The following RBMS3 variants were observed in gnomAD, a reference collection of about 807,000 sequenced individuals.
RBMS3 encodes the protein RNA binding motif single stranded interacting protein 3.
RBMS3 carries 27 observed loss-of-function variants against 66.8 expected under a neutral mutation model. The ratio of observed to expected loss-of-function variants is 0.40; its 90% CI spans 0.30 to 0.56. The LOEUF is 0.56. RBMS3 is among the 20% of genes least tolerant of loss of function. RBMS3 has a pLI of 0.40. For missense variants in RBMS3, 513 were observed against 549.5 expected (o/e 0.93, Z 0.66); for synonymous variants, 188 against 183.0 (o/e 1.03, Z -0.22).
chr3:29,787,030 G>C (rs756144388), intron 6 of RBMS3, among the ~76,000 whole-genome samples: 9 of 152,002 alleles, frequency 5.9e-5, no homozygotes, highest in Non-Finnish European at 1.2e-4. Context: ...GACATGAATA[G>C]ACAATTCTCA....
chr3:30,002,949 A>G (rs1699676392), intron 14 of RBMS3, among the ~76,000 whole-genome samples: 1 of 152,012 alleles, frequency 6.6e-6, no homozygotes, highest in South Asian at 2.1e-4. Flanking sequence ...CTGTAAAACT[A>G]TACATAGTAA....
chr3:29,908,859 C>T (rs2060448835), intron 10 of RBMS3, among the ~76,000 whole-genome samples: 2 of 151,882 alleles, frequency 1.3e-5, no homozygotes, highest in South Asian at 4.1e-4. Context: ...ACATTATATG[C>T]TCAGGATAAT....
intron 2 of RBMS3, among the ~76,000 whole-genome samples, chr3:29,466,517 A>G (rs773860174): frequency 1.3e-5 from 2 of 152,174 alleles, no homozygotes; most frequent in Non-Finnish European, 2.9e-5. Context: ...TTGAAATAAA[A>G]TTGCTCTTAA....
chr3:29,442,704 T>G (rs2041673077), intron 2 of RBMS3, among the ~76,000 whole-genome samples: 1 of 152,066 alleles, frequency 6.6e-6, no homozygotes, highest in African/African-American at 2.4e-5. Context: ...GCATCCTGGT[T>G]TTCTATTTGT....
chr3:29,635,350 G>A lies in RBMS3; in HGVS notation c.399+48145G>A, dbSNP rs2049437286. On this transcript the variant is annotated intron_variant, in intron 4 of 14. Transcript: ENST00000383767. ...GCAGCCTTCCCCATCTCAGTTGATG[G>A]CAGTACCATCCTTCTAGTGGCTTTG... 2.0e-5 allele frequency among the ~76,000 whole-genome samples: 3 copies of A among 151,918 alleles called. No individual in the cohort carries two copies. The South Asian group carries it at 6.2e-4, about 32-fold the overall frequency.
chr3:29,512,789 C>T (rs1576069841), intron 3 of RBMS3, among the ~76,000 whole-genome samples: 1 of 152,230 alleles, frequency 6.6e-6, no homozygotes, highest in East Asian at 1.9e-4. Context: ...ACTGTGTGCA[C>T]TGGGCTTCCA....
At chr3:29,928,953 A>T (rs552778537) in intron 10 of RBMS3, among the ~76,000 whole-genome samples, 2 of 152,220 alleles carry the variant, frequency 1.3e-5, no homozygotes, top group Non-Finnish European at 2.9e-5. Context: ...ACCCTTTGTC[A>T]TTGAAGCTCT....
At chr3:29,439,933 A>G (rs2041552875) in intron 2 of RBMS3, among the ~76,000 whole-genome samples, 1 of 152,214 alleles carries the variant, frequency 6.6e-6, no homozygotes, top group Admixed American at 6.5e-5. Context: ...TGGATCATAT[A>G]TATCCTTTAT....
chr3:29,846,608 T>C (rs2058783674), intron 6 of RBMS3, among the ~76,000 whole-genome samples: 1 of 152,188 alleles, frequency 6.6e-6, no homozygotes, highest in Non-Finnish European at 1.5e-5. Flanking sequence ...TATTCAGCGA[T>C]GTGATGACTC....
intron 6 of RBMS3, among the ~76,000 whole-genome samples, chr3:29,769,820 G>A (rs1030849993): frequency 4.0e-5 from 6 of 151,786 alleles, no homozygotes; most frequent in Non-Finnish European, 8.8e-5. Flanking sequence ...ACAGCTCTGG[G>A]TAAACAAGCA....
intron 1 of RBMS3, among the ~76,000 whole-genome samples, chr3:29,338,356 C>T (rs1362017924): frequency 2.6e-5 from 4 of 151,914 alleles, no homozygotes; most frequent in Non-Finnish European, 5.9e-5. Context: ...AACTGAAGCA[C>T]AAAAAAAGAG....
intron 6 of RBMS3, among the ~76,000 whole-genome samples, chr3:29,788,109 C>T (rs1169676796): frequency 2.0e-5 from 3 of 151,750 alleles, no homozygotes; most frequent in African/African-American, 4.8e-5. Context: ...GAATCCCAAA[C>T]GTATGTTTAT....
At chr3:29,433,093 A>G (rs2041269114) in intron 1 of RBMS3, among the ~76,000 whole-genome samples, 1 of 148,658 alleles carries the variant, frequency 6.7e-6, no homozygotes, top group Non-Finnish European at 1.5e-5. Context: ...TACTATTTTC[A>G]TGTTGAATAT....
intron 1 of RBMS3, among the ~76,000 whole-genome samples, chr3:29,365,784 A>T (rs997504295): frequency 6.6e-6 from 1 of 152,178 alleles, no homozygotes; most frequent in African/African-American, 2.4e-5. Flanking sequence ...GGAAAAAGAA[A>T]TCACCTTAAT....
chr3:29,899,668 G>T, intron 9 of RBMS3, 37 bp from the exon 10 acceptor site: 3 of 1,592,900 alleles, frequency 1.9e-6, no homozygotes, highest in Non-Finnish European at 1.7e-6. Context: ...TTCTCTCTAT[G>T]ATTGCTTTGT....
intron 8 of RBMS3, among the ~76,000 whole-genome samples, chr3:29,888,665 G>A (rs775925523): frequency 6.6e-6 from 1 of 151,658 alleles, no homozygotes; most frequent in African/African-American, 2.4e-5. Context: ...CCAAACTGAG[G>A]TCATTATCCT....
chr3:29,531,788 T>G (rs1215548439), intron 3 of RBMS3, among the ~76,000 whole-genome samples: 2 of 152,318 alleles, frequency 1.3e-5, no homozygotes, highest in Non-Finnish European at 2.9e-5. Flanking sequence ...TTTATCAAAT[T>G]TGGACATAAA....
chr3:29,902,187 T>A (rs1405610382), intron 10 of RBMS3, among the ~76,000 whole-genome samples: 1 of 151,868 alleles, frequency 6.6e-6, no homozygotes, highest in East Asian at 1.9e-4. Flanking sequence ...CAGTTTCTCA[T>A]CTGTAACATG....
intron 12 of RBMS3, among the ~76,000 whole-genome samples, chr3:29,960,452 G>A (rs1696350100): frequency 6.6e-6 from 1 of 152,190 alleles, no homozygotes; most frequent in Non-Finnish European, 1.5e-5. Flanking sequence ...CACAGTGCAA[G>A]CTGTTGGTGG....
Sources: allele counts gnomAD v4.1 joint callset (sites outside exome capture counted in the v4.1 genomes callset), GRCh38; gene constraint gnomAD v4.1.1; transcripts MANE v1.5; gene names NCBI Gene and HGNC (gene_info 2026-07-23, HGNC 2026-07-21).